Variants in CCSAP observed in about 807,000 individuals in gnomAD.
CCSAP encodes centriole, cilia and spindle associated protein.
In CCSAP, 17 loss-of-function variants were observed where a neutral mutation model predicts 25.9. That is an observed-to-expected ratio of 0.66 (90% confidence interval 0.45 to 0.99). CCSAP has a LOEUF of 0.99. CCSAP is among the 50% of genes least tolerant of loss of function. CCSAP has a pLI of 0.00. For synonymous variants in CCSAP, 169 were observed against 157.1 expected (o/e 1.08, Z -0.57); for missense variants, 339 against 367.8 (o/e 0.92, Z 0.64).
At chr1:229,329,014 ATC>A (rs1383384723) in intron 2 of CCSAP, among the ~76,000 whole-genome samples, 1 of 152,232 alleles carries the variant, frequency 6.6e-6, no homozygotes, top group Non-Finnish European at 1.5e-5. Context: ...TCAAACGTTT[ATC>A]TGAGTGATGT....
intron 2 of CCSAP, among the ~76,000 whole-genome samples, chr1:229,338,039 CA>C (rs1353296911): frequency 6.6e-6 from 1 of 151,982 alleles, no homozygotes; most frequent in African/African-American, 2.4e-5. Context: ...GGCTCACCTG[CA>C]AATATCTACA....
intron 2 of CCSAP, among the ~76,000 whole-genome samples, chr1:229,335,866 G>A (rs564699019): frequency 1.1e-4 from 17 of 152,224 alleles, no homozygotes; most frequent in African/African-American, 3.4e-4. Context: ...GGGGGCCTCC[G>A]TATCCAGGGG....
chr1:229,323,635 T>C lies in CCSAP; in HGVS notation c.*1600A>G, dbSNP rs1220416645. ...ATGTAAAATTTCCTCTTTTGAAATATACATCTCAATGATTAGGAGAGATCT... is the reference window on the plus strand; with the variant it reads ...ATGTAAAATTTCCTCTTTTGAAATACACATCTCAATGATTAGGAGAGATCT... On this transcript the variant is annotated 3_prime_UTR_variant, in exon 4 of 4. Transcript: ENST00000284617. 1.3e-5 allele frequency: 2 copies of C among 152,238 alleles called. No individual in the cohort carries two copies. Among genetic ancestry groups the C allele is most frequent in the South Asian group, 2.1e-4 (1 of 4,834 alleles). The allele number at this position is 152,238 out of a possible 1,614,324, so 9.4% of individuals were successfully genotyped here. A position where few individuals can be genotyped will look rare whatever the true frequency, so the allele number is the denominator to read the frequency against.
intron 2 of CCSAP, among the ~76,000 whole-genome samples, chr1:229,337,715 A>ATATATG (rs1427281947): frequency 8.1e-5 from 9 of 111,048 alleles, no homozygotes; most frequent in African/African-American, 2.3e-4. Flanking sequence ...ACATATATAT[A>ATATATG]TATGTATATA....
intron 2 of CCSAP, chr1:229,327,670 C>A: frequency 2.3e-6 from 1 of 436,712 alleles, no homozygotes; most frequent in South Asian, 1.6e-5. Flanking sequence ...GAGATCGAGA[C>A]CATCCTGGCC....
chr1:229,333,257 C>G (rs1285651145), intron 2 of CCSAP, among the ~76,000 whole-genome samples: 3 of 151,170 alleles, frequency 2.0e-5, no homozygotes, highest in Non-Finnish European at 3.0e-5. Context: ...ACGGTGAAAC[C>G]CCGTCTCTAC....
intron 2 of CCSAP, among the ~76,000 whole-genome samples, chr1:229,328,078 T>A (rs545133671): frequency 1.3e-5 from 2 of 152,224 alleles, no homozygotes; most frequent in Non-Finnish European, 2.9e-5. Context: ...AATTACCTTT[T>A]ATGATTTTCC....
At chr1:229,335,521 G>T (rs1658176663) in intron 2 of CCSAP, among the ~76,000 whole-genome samples, 2 of 152,222 alleles carry the variant, frequency 1.3e-5, no homozygotes, top group African/African-American at 4.8e-5. Flanking sequence ...TTTATATTAG[G>T]TTGGTGTCAA....
rs562128235 is a variant in CCSAP at position 229,324,857 on chromosome 1, A to T, written c.*378T>A. 1 of 161,156 alleles carries T rather than the reference A, an allele frequency of 6.2e-6. No individual in the cohort carries two copies. The highest frequency in any genetic ancestry group is 6.0e-5 in the Admixed American group (1 of 16,558). 10.0% of individuals were successfully genotyped at this position (161,156 alleles called of 1,614,324 possible). A position where few individuals can be genotyped will look rare whatever the true frequency, so the allele number is the denominator to read the frequency against. ...TGGAATCTGGAAAGTTATTTAGAAC[A>T]AGATGATAATAGGCTCTACCTAAGC... On this transcript the variant is annotated 3_prime_UTR_variant, in exon 4 of 4. Transcript: ENST00000284617.
chr1:229,329,155 TGAGA>T (rs909763204), intron 2 of CCSAP, among the ~76,000 whole-genome samples: 1 of 152,134 alleles, frequency 6.6e-6, no homozygotes, highest in Non-Finnish European at 1.5e-5. Flanking sequence ...ACAGTGATAC[TGAGA>T]GAGAGAAAAA....
intron 2 of CCSAP, among the ~76,000 whole-genome samples, chr1:229,327,867 CA>C (rs765651478): frequency 0.035 from 3,176 of 91,754 alleles, 39 homozygotes; most frequent in Middle Eastern, 0.14. Flanking sequence ...GACTCCGTCT[CA>C]AAAAAAAAAA....
intron 2 of CCSAP, among the ~76,000 whole-genome samples, chr1:229,337,678 A>AAAAAAAAAAAAATAT: frequency 3.2e-4 from 21 of 65,500 alleles, no homozygotes; most frequent in East Asian, 9.5e-4. Context: ...CTCAAAAAAA[A>AAAAAAAAAAAAATAT]ATATATATAT....
Position 229,342,221 on chromosome 1 carries a change from G to A in CCSAP, c.245C>T (p.Pro82Leu), listed in dbSNP as rs1388310827. 9.6e-6 allele frequency: 12 copies of A among 1,252,898 alleles called. No homozygotes were observed. The highest frequency in any genetic ancestry group is 4.2e-5 in the Admixed American group (1 of 23,608). The allele number at this position is 1,252,898 out of a possible 1,614,324, so 77.6% of individuals were successfully genotyped here. A position where few individuals can be genotyped will look rare whatever the true frequency, so the allele number is the denominator to read the frequency against. The change falls in exon 2 of 4, where the codon CCG becomes CTG. Residue 82 changes from proline to leucine, a missense_variant. Transcript: ENST00000284617. The surrounding 1 kb of genome is among the most constrained non-coding windows in gnomAD (Gnocchi z 7.5). ...PAPRCAPPSP[P>L]PPVEPATQEE... ...CTGGGTCGCCGGCTCTACGGGCGGC[G>A]GGGGCGAGGGCGGGGCGCACCGGGG...
At chr1:229,338,986 A>G (rs767889860) in intron 2 of CCSAP, among the ~76,000 whole-genome samples, 2 of 152,042 alleles carry the variant, frequency 1.3e-5, no homozygotes, top group African/African-American at 2.4e-5. Flanking sequence ...ATCACCCAGA[A>G]AACAAAACAA....
chr1:229,327,652 G>A (rs1168516514), intron 2 of CCSAP: 3 of 451,250 alleles, frequency 6.6e-6, no homozygotes, highest in African/African-American at 2.0e-5. Context: ...AGCGGATCAC[G>A]AGGTCAGGAG....
In CCSAP at chr1:229,342,210, C is replaced by T; in HGVS notation, c.256G>A (p.Glu86Lys). 1 of 1,254,702 alleles carries T rather than the reference C, an allele frequency of 8.0e-7. No individual in the cohort carries two copies. The highest frequency in any genetic ancestry group is 1.0e-6 in the Non-Finnish European group (1 of 1,002,126). The allele number at this position is 1,254,702 out of a possible 1,614,324, so 77.7% of individuals were successfully genotyped here. A position where few individuals can be genotyped will look rare whatever the true frequency, so the allele number is the denominator to read the frequency against. The change falls in exon 2 of 4, where the codon GAG becomes AAG. Residue 86 changes from glutamate (E) to lysine (K), a missense_variant. By Grantham distance (56) the Glu-to-Lys change is moderately conservative. Coordinates refer to ENST00000284617, the MANE Select transcript of CCSAP (RefSeq NM_145257.5). The surrounding 1 kb of genome is among the most constrained non-coding windows in gnomAD (Gnocchi z 7.5). ...TCCGCCTCCTCCTGGGTCGCCGGCT[C>T]TACGGGCGGCGGGGGCGAGGGCGGG... The part of the protein sequence containing the change: ...CAPPSPPPPV[E>K]PATQEEAERR...
intron 2 of CCSAP, chr1:229,340,536 G>A (rs1020111118): frequency 2.9e-6 from 2 of 685,864 alleles, no homozygotes; most frequent in South Asian, 1.6e-5. Flanking sequence ...GCCTGATAAA[G>A]TACATCTCAA....
At position 229,331,909 on chromosome 1, in the gene CCSAP, G is replaced by A. The variant is rs183390441; in HGVS notation, c.368-4903C>T. ...CAGCTCACTGCAACCTCTGCCTCCC[G>A]AATAGCTGGGATTACAGGTGTGTGC... On this transcript the variant is annotated intron_variant, in intron 2 of 3. Transcript: ENST00000284617. Among the ~76,000 whole-genome samples, 206 of 151,664 alleles carry A rather than the reference G, an allele frequency of 1.4e-3. 2 individuals carry two copies. Among genetic ancestry groups the A allele is most frequent in the African/African-American group, 4.7e-3 (195 of 41,332 alleles).
At position 229,325,221 on chromosome 1, in the gene CCSAP, A is replaced by G; in HGVS notation, c.*14T>C. The G allele has an allele frequency of 1.3e-6, 2 of 1,581,776 alleles. No homozygotes were observed. The highest frequency in any genetic ancestry group is 2.4e-5 in the South Asian group (2 of 84,864). ...TTACACTTTTTAAAAGAGGCTGTCC[A>G]CGCAAGTGTTTCTTTAAGCTCTTGC... On this transcript the variant is annotated 3_prime_UTR_variant, in exon 4 of 4. Coordinates refer to ENST00000284617, the MANE Select transcript of CCSAP (RefSeq NM_145257.5).
Sources: allele counts gnomAD v4.1 joint callset (sites outside exome capture counted in the v4.1 genomes callset), GRCh38; gene constraint gnomAD v4.1.1; non-coding constraint Gnocchi (gnomAD v3.1); transcripts MANE v1.5; gene names NCBI Gene and HGNC (gene_info 2026-07-23, HGNC 2026-07-21).